TFEC: variants seen among roughly 807,000 people sequenced by gnomAD.
The protein encoded by TFEC is class E basic helix-loop-helix protein 34.
TFEC carries 31 observed loss-of-function variants against 41.6 expected under a neutral mutation model. The observed-to-expected ratio is 0.74, with a 90% CI of 0.56 to 1.01. TFEC has a LOEUF of 1.01. TFEC is among the 50% of genes least tolerant of loss of function. TFEC has a pLI of 0.00. For missense variants in TFEC, 402 were observed against 404.1 expected, an observed-to-expected ratio of 0.99 and a Z score of 0.04; for synonymous variants, 143 against 140.6, an observed-to-expected ratio of 1.02 and a Z score of -0.12.
At chr7:116,061,579 G>A (rs1315489701) in intron 3 of TFEC, among the ~76,000 whole-genome samples, 1 of 151,946 alleles carries the variant, frequency 6.6e-6, no homozygotes, top group East Asian at 1.9e-4. Context: ...CCAAAAGCAT[G>A]ATCCAGAAAA....
intron 1 of TFEC, among the ~76,000 whole-genome samples, chr7:116,004,802 A>G (rs1456466171): frequency 6.6e-6 from 1 of 151,934 alleles, no homozygotes; most frequent in African/African-American, 2.4e-5. Flanking sequence ...AAAAAAAAAC[A>G]TAATCATAGG....
At chr7:116,040,679 C>T (rs1171151203) in intron 3 of TFEC, among the ~76,000 whole-genome samples, 1 of 152,122 alleles carries the variant, frequency 6.6e-6, no homozygotes, top group Non-Finnish European at 1.5e-5. Context: ...CTGGCAAATG[C>T]AATGCACATG....
At chr7:116,007,897 A>G (rs1794860598) in intron 1 of TFEC, among the ~76,000 whole-genome samples, 1 of 152,250 alleles carries the variant, frequency 6.6e-6, no homozygotes, top group Admixed American at 6.5e-5. Flanking sequence ...TACAGAAAGC[A>G]TACAATAATG....
At chr7:115,974,850 G>A (rs1290745636) in intron 2 of TFEC, among the ~76,000 whole-genome samples, 1 of 151,742 alleles carries the variant, frequency 6.6e-6, no homozygotes, top group East Asian at 1.9e-4. Flanking sequence ...AACAAAAACA[G>A]CAATAATTAT....
chr7:115,999,210 A>T (rs1044398860), intron 1 of TFEC, among the ~76,000 whole-genome samples: 3 of 152,044 alleles, frequency 2.0e-5, no homozygotes, highest in African/African-American at 7.2e-5. Flanking sequence ...ACACAAACAC[A>T]TGGAAATATA....
intron 3 of TFEC, among the ~76,000 whole-genome samples, chr7:116,109,096 G>C (rs1471169294): frequency 1.3e-5 from 2 of 151,756 alleles, no homozygotes; most frequent in Non-Finnish European, 2.9e-5. Flanking sequence ...AGACTTAAAT[G>C]TTAGACCTAA....
chr7:115,982,519 T>TAAAC (rs1425021287), intron 2 of TFEC, among the ~76,000 whole-genome samples: 2 of 152,132 alleles, frequency 1.3e-5, no homozygotes, highest in Non-Finnish European at 2.9e-5. Context: ...TGAAAATGTA[T>TAAAC]AAACATACCA....
chr7:116,053,662 G>A (rs1197696158), intron 3 of TFEC, among the ~76,000 whole-genome samples: 1 of 152,164 alleles, frequency 6.6e-6, no homozygotes, highest in Non-Finnish European at 1.5e-5. Context: ...AACAGAAAGA[G>A]AGACCTAAGA....
At chr7:116,010,731 T>C (rs1794969505) in intron 1 of TFEC, among the ~76,000 whole-genome samples, 1 of 152,204 alleles carries the variant, frequency 6.6e-6, no homozygotes, top group African/African-American at 2.4e-5. Flanking sequence ...TAGGAAAATC[T>C]ATTCTGATAT....
intron 3 of TFEC, among the ~76,000 whole-genome samples, chr7:116,056,879 C>T (rs1182330938): frequency 6.6e-6 from 1 of 151,868 alleles, no homozygotes; most frequent in East Asian, 1.9e-4. Context: ...AAAACTGACA[C>T]AGATATTAGA....
At chr7:115,973,088 A>C (rs1003234351) in intron 3 of TFEC, among the ~76,000 whole-genome samples, 15 of 149,656 alleles carry the variant, frequency 1.0e-4, no homozygotes, top group African/African-American at 3.4e-4. Context: ...ATTTAAAAAA[A>C]TGAAAACTGA....
At chr7:116,013,764 A>T (rs1450674582) in intron 1 of TFEC, among the ~76,000 whole-genome samples, 1 of 152,162 alleles carries the variant, frequency 6.6e-6, no homozygotes, top group Non-Finnish European at 1.5e-5. Flanking sequence ...TAAACAAACA[A>T]ATATGAATCA....
intron 1 of TFEC, among the ~76,000 whole-genome samples, chr7:116,157,564 A>G (rs10236140): frequency 0.5 from 75,288 of 151,938 alleles, 19,332 homozygotes; most frequent in East Asian, 0.7. Context: ...AGCAGTCTTG[A>G]GAAAAATGGA....
At chr7:116,107,340 C>T (rs1797743925) in intron 3 of TFEC, among the ~76,000 whole-genome samples, 1 of 152,186 alleles carries the variant, frequency 6.6e-6, no homozygotes, top group Admixed American at 6.5e-5. Context: ...GAGCATAGCA[C>T]TTACCATCTT....
chr7:116,075,012 C>T (rs1796923102), intron 3 of TFEC, among the ~76,000 whole-genome samples: 1 of 152,084 alleles, frequency 6.6e-6, no homozygotes, highest in Admixed American at 6.6e-5. Context: ...TATTCAAAGA[C>T]ACTACTAACA....
chr7:116,035,121 A>G (rs2130905162), upstream of TFEC, among the ~76,000 whole-genome samples: 1 of 151,962 alleles, frequency 6.6e-6, no homozygotes, highest in Middle Eastern at 3.4e-3. Flanking sequence ...AGCACTAATC[A>G]CTAAATGATT....
intron 3 of TFEC, among the ~76,000 whole-genome samples, chr7:116,106,360 C>CA (rs1250783884): frequency 6.6e-6 from 1 of 151,716 alleles, no homozygotes; most frequent in African/African-American, 2.4e-5. Flanking sequence ...CTGATGACTT[C>CA]AGTTTTTTGT....
chr7:116,157,951 T>C (rs1281250735), intron 1 of TFEC, among the ~76,000 whole-genome samples: 1 of 152,158 alleles, frequency 6.6e-6, no homozygotes, highest in Non-Finnish European at 1.5e-5. Flanking sequence ...ACACCTATCT[T>C]CAAATTCTCT....
intron 1 of TFEC, among the ~76,000 whole-genome samples, chr7:116,124,054 G>C (rs1798162209): frequency 6.6e-6 from 1 of 152,118 alleles, no homozygotes; most frequent in African/African-American, 2.4e-5. Context: ...AGTGGGGAAA[G>C]ATTGCTGGAA....
Sources: gnomAD v4.1 joint callset for allele counts (sites outside exome capture counted in the v4.1 genomes callset) on GRCh38, gnomAD v4.1.1 for gene constraint, MANE v1.5 for transcripts, NCBI Gene and HGNC (gene_info 2026-07-23, HGNC 2026-07-21) for gene names.